The following GH2 variants were observed in gnomAD, a reference collection of about 807,000 sequenced individuals.
GH2 encodes growth hormone 2.
A neutral mutation model predicts 24.1 loss-of-function variants in GH2; 17 were observed. The ratio of observed to expected loss-of-function variants is 0.71; its 90% confidence interval spans 0.48 to 1.06. The LOEUF (loss-of-function observed/expected upper bound fraction) is 1.06. Ranked by LOEUF, GH2 falls within the 50% of genes least tolerant of loss-of-function variation. The pLI is 0.00. For missense variants in GH2, 305 were observed against 273.1 expected, an observed-to-expected ratio of 1.12 and a Z score of -0.82; for synonymous variants, 126 against 118.7, an observed-to-expected ratio of 1.06 and a Z score of -0.40.
At position 63,880,845 on chromosome 17, in the gene GH2, A is replaced by G; in HGVS notation, c.383T>C (p.Val128Ala). 1 of 1,614,018 alleles carries G rather than the reference A, an allele frequency of 6.2e-7. No individual in the cohort carries two copies. The highest frequency in any genetic ancestry group is 8.5e-7 in the Non-Finnish European group (1 of 1,179,926). ...GACGTTGCTGTCCGAGGCGCCATAC[A>G]CCAGGCTGTTGGCGAAGACGCTCCT... ...LLRSVFANSL[V>A]YGASDSNVYR... Residue 128 changes from valine to alanine, a missense_variant, in exon 4 of 5, where the codon GTG (valine) becomes GCG (alanine). Val to Ala is a moderately conservative substitution (Grantham distance 64). Coordinates refer to ENST00000423893, the MANE Select transcript of GH2 (RefSeq NM_002059.5).
chr17:63,881,560 A>T, intron 1 of GH2, 41 bp from the exon 2 acceptor site: 1 of 1,612,102 alleles, frequency 6.2e-7, no homozygotes, highest in Non-Finnish European at 8.5e-7. Context: ...GCTGGAGAGC[A>T]AGAGGCCAGC....
rs767815976 is a variant in GH2 at position 63,880,441 on chromosome 17, G to C, written c.534C>G (p.Asn178Lys). The change falls in exon 5 of 5, where the codon AAC becomes AAG. Residue 178 changes from asparagine (N) to lysine (K), a missense_variant. Coordinates refer to ENST00000423893, the MANE Select transcript of GH2 (RefSeq NM_002059.5). ...SYSKFDTKSH[N>K]DDALLKNYGL... ...CGTAGTTCTTGAGCAGTGCGTCATC[G>C]TTGTGCGATTTTGTGTCAAACTTGC... 3.1e-6 allele frequency: 5 copies of C among 1,613,804 alleles called. No individual in the cohort carries two copies. The highest frequency in any genetic ancestry group is 4.2e-6 in the Non-Finnish European group (5 of 1,179,778).
rs745738940 is a variant in GH2 at position 63,881,534 on chromosome 17, G to C, written c.11-15C>G. ...CGTCCGGGAGCCTGGGGAGAAACCG[G>C]AGGGCAACAGAGGGAGCTGGAGAGC... On this transcript the variant is annotated splice_polypyrimidine_tract_variant and intron_variant, in intron 1 of 4. Transcript: ENST00000423893. 3 of 1,613,778 alleles carry C rather than the reference G, an allele frequency of 1.9e-6. No individual in the cohort carries two copies. The highest frequency in any genetic ancestry group is 2.2e-5 in the East Asian group (1 of 44,882).
In GH2 at chr17:63,880,930, C is replaced by T; in HGVS notation, c.298G>A (p.Glu100Lys). Reference protein sequence around the residue: ...RVKTQQKSNLELLRISLLLIQ... With the variant: ...RVKTQQKSNLKLLRISLLLIQ... Reference sequence around the variant, plus strand: ...AGCAGCAGGGAGATGCGGAGCAGCTCTAGGTTCTGCAGGGGAAGGACCGGC... The same window carrying T: ...AGCAGCAGGGAGATGCGGAGCAGCTTTAGGTTCTGCAGGGGAAGGACCGGC... Residue 100 changes from glutamate (E) to lysine (K), a missense_variant, in exon 4 of 5, where the codon GAG becomes AAG. Physicochemically the swap from Glu to Lys is moderately conservative, Grantham distance 56. Coordinates refer to ENST00000423893, the MANE Select transcript of GH2 (RefSeq NM_002059.5). 6.2e-7 allele frequency: 1 copy of T among 1,614,060 alleles called. No individual in the cohort carries two copies. The highest frequency in any genetic ancestry group is 8.5e-7 in the Non-Finnish European group (1 of 1,179,952).
At chr17:63,881,736 A>G (rs538038494) in intron 1 of GH2, 56 bp downstream of exon 1, 18 of 1,611,776 alleles carry the variant, frequency 1.1e-5, no homozygotes, top group Admixed American at 1.7e-5. Context: ...CATCTACAGG[A>G]CGCCGCCTCT....
rs1158573077 is a variant in GH2 at position 63,880,781 on chromosome 17, C to T, written c.447G>A (p.Thr149=). Residue 149 remains threonine (T), a synonymous_variant, in exon 4 of 5, where the codon ACG becomes ACA. Transcript: ENST00000423893. ...CTGGTGCCACCCTCACCCACATCAG[C>T]GTTTGGATGCCTTCCTCTAGGTCCT... ...HLKDLEEGIQ[T]LMWRLEDGSP... The T allele has an allele frequency of 6.2e-7, 1 of 1,614,098 alleles. No individual in the cohort carries two copies. Among genetic ancestry groups the T allele is most frequent in the East Asian group, 2.2e-5 (1 of 44,882 alleles).
At chr17:63,880,657 G>T in intron 4 of GH2, 115 bp downstream of exon 4, 1 of 1,614,098 alleles carries the variant, frequency 6.2e-7, no homozygotes. Flanking sequence ...GAAGAATACG[G>T]TGAGTTCTCT....
Position 63,881,393 on chromosome 17 carries a change from A to T in GH2, c.137T>A (p.Leu46Gln), listed in dbSNP as rs778222708. ...ATAGGTGTCATATGCCAGCTGGTAC[A>T]GGCGACGGGCGCGGAGCATAGCGTT... Reference protein sequence around the residue: ...FDNAMLRARRLYQLAYDTYQE... With the variant: ...FDNAMLRARRQYQLAYDTYQE... Residue 46 changes from leucine (L) to glutamine (Q), a missense_variant, in exon 2 of 5, where the codon CTG becomes CAG. By Grantham distance (113) the Leu-to-Gln change is moderately radical. Coordinates refer to ENST00000423893, the MANE Select transcript of GH2 (RefSeq NM_002059.5). 5 of 1,614,064 alleles carry T rather than the reference A, an allele frequency of 3.1e-6. No individual in the cohort carries two copies. The highest frequency in any genetic ancestry group is 4.2e-6 in the Non-Finnish European group (5 of 1,179,958).
chr17:63,880,831 C>T lies in GH2; in HGVS notation c.397G>A (p.Asp133Asn). The change falls in exon 4 of 5, where the codon GAC (aspartate) becomes AAC (asparagine). Residue 133 changes from aspartate (D) to asparagine (N), a missense_variant. Physicochemically the swap from Asp to Asn is conservative, Grantham distance 23. Transcript: ENST00000423893. ...TTCAGGTGGCGATAGACGTTGCTGT[C>T]CGAGGCGCCATACACCAGGCTGTTG... Reference protein sequence around the residue: ...FANSLVYGASDSNVYRHLKDL... With the variant: ...FANSLVYGASNSNVYRHLKDL... The T allele has an allele frequency of 6.2e-7, 1 of 1,614,074 alleles. No individual in the cohort carries two copies. The highest frequency in any genetic ancestry group is 8.5e-7 in the Non-Finnish European group (1 of 1,179,930).
chr17:63,880,458 C>G lies in GH2; in HGVS notation c.517G>C (p.Asp173His). The G allele has an allele frequency of 6.2e-7, 1 of 1,613,820 alleles. No homozygotes were observed. The highest frequency in any genetic ancestry group is 8.5e-7 in the Non-Finnish European group (1 of 1,179,776). Residue 173 changes from aspartate (D) to histidine (H), a missense_variant, in exon 5 of 5, where the codon GAC becomes CAC. By Grantham distance (81) the Asp-to-His change is moderately conservative (BLOSUM62 -1). Coordinates refer to ENST00000423893, the MANE Select transcript of GH2 (RefSeq NM_002059.5). Reference sequence around the variant, plus strand: ...GCGTCATCGTTGTGCGATTTTGTGTCAAACTTGCTGTAGGACTGATTGAAG... The same window carrying G: ...GCGTCATCGTTGTGCGATTTTGTGTGAAACTTGCTGTAGGACTGATTGAAG... ...QIFNQSYSKF[D>H]TKSHNDDALL...
Position 63,881,532 on chromosome 17 carries a change from C to CGGAGGGCAACAGAGGGAGCT in GH2, c.11-33_11-14dup. On this transcript the variant is annotated splice_polypyrimidine_tract_variant and intron_variant, in intron 1 of 4. Transcript: ENST00000423893. ...GACGTCCGGGAGCCTGGGGAGAAAC[C>CGGAGGGCAACAGAGGGAGCT]GGAGGGCAACAGAGGGAGCTGGAGA... 1 of 1,613,622 alleles carries CGGAGGGCAACAGAGGGAGCT rather than the reference C, an allele frequency of 6.2e-7. No individual in the cohort carries two copies. Among genetic ancestry groups the CGGAGGGCAACAGAGGGAGCT allele is most frequent in the Non-Finnish European group, 8.5e-7 (1 of 1,179,840 alleles).
Position 63,881,568 on chromosome 17 carries a change from A to G in GH2, c.11-49T>C, listed in dbSNP as rs1360867369. ...AGAGGGAGCTGGAGAGCAAGAGGCC[A>G]GCGCTCTCCCTGTTCCAGGAGCTGG... On this transcript the variant is annotated intron_variant, in intron 1 of 4. Coordinates refer to ENST00000423893, the MANE Select transcript of GH2 (RefSeq NM_002059.5). 4 of 1,609,850 alleles carry G rather than the reference A, an allele frequency of 2.5e-6. No individual in the cohort carries two copies. The African/African-American group carries it at 5.5e-5, about 22-fold the overall frequency.
rs199921493 is a variant in GH2 at position 63,880,832 on chromosome 17, C to G, written c.396G>C (p.Ser132=). The G allele has an allele frequency of 4.3e-6, 7 of 1,614,016 alleles. No individual in the cohort carries two copies. The highest frequency in any genetic ancestry group is 5.9e-6 in the Non-Finnish European group (7 of 1,179,928). Residue 132 remains serine, a synonymous_variant, in exon 4 of 5, where the codon TCG becomes TCC. Coordinates refer to ENST00000423893, the MANE Select transcript of GH2 (RefSeq NM_002059.5). ...VFANSLVYGA[S]DSNVYRHLKD... ...TCAGGTGGCGATAGACGTTGCTGTC[C>G]GAGGCGCCATACACCAGGCTGTTGG...
chr17:63,880,444 G>A lies in GH2; in HGVS notation c.531C>T (p.His177=), dbSNP rs376210717. The A allele has an allele frequency of 1.9e-6, 3 of 1,613,716 alleles. No homozygotes were observed. Among genetic ancestry groups the A allele is most frequent in the Non-Finnish European group, 1.7e-6 (2 of 1,179,796 alleles). Residue 177 remains histidine (H), a synonymous_variant, in exon 5 of 5, where the codon CAC becomes CAT. Transcript: ENST00000423893. ...QSYSKFDTKS[H]NDDALLKNYG... ...AGTTCTTGAGCAGTGCGTCATCGTT[G>A]TGCGATTTTGTGTCAAACTTGCTGT...
In GH2 at chr17:63,881,459, C is replaced by G. The variant is rs933225272; in HGVS notation, c.71G>C (p.Gly24Ala). 7.4e-6 allele frequency: 12 copies of G among 1,613,860 alleles called. No homozygotes were observed. The highest frequency in any genetic ancestry group is 1.0e-5 in the Non-Finnish European group (12 of 1,179,934). Residue 24 changes from glycine (G) to alanine (A), a missense_variant, in exon 2 of 5, where the codon GGC becomes GCC. Physicochemically the swap from Gly to Ala is moderately conservative, Grantham distance 60 (BLOSUM62 0). Transcript: ENST00000423893. Reference protein sequence around the residue: ...GLLCLSWLQEGSAFPTIPLSR... With the variant: ...GLLCLSWLQEASAFPTIPLSR... The stretch of plus-strand genomic sequence containing the variant: ...TAAGGGAATGGTTGGGAAGGCACTG[C>G]CCTCTTGAAGCCAGGACAGGCAGAG...
chr17:63,881,635 C>A, intron 1 of GH2, 116 bp from the exon 2 acceptor site: 1 of 1,604,744 alleles, frequency 6.2e-7, no homozygotes, highest in Non-Finnish European at 8.5e-7. Flanking sequence ...CCTCCAGGGA[C>A]CAGGAACATT....
chr17:63,881,548 G>A (rs1401764236), intron 1 of GH2, 29 bp from the exon 2 acceptor site: 2 of 1,613,352 alleles, frequency 1.2e-6, no homozygotes, highest in Non-Finnish European at 1.7e-6. Flanking sequence ...GCAACAGAGG[G>A]AGCTGGAGAG....
Position 63,880,247 on chromosome 17 carries a change from G to T in GH2, c.*74C>A. The T allele has an allele frequency of 7.5e-6, 12 of 1,610,676 alleles. No homozygotes were observed. The highest frequency in any genetic ancestry group is 1.0e-5 in the Non-Finnish European group (12 of 1,177,402). ...ACTTAATTTTATTAGGACAAGGCTG[G>T]TGGGCACTGGAGTAGCACCTTCCAC... On this transcript the variant is annotated 3_prime_UTR_variant, in exon 5 of 5. Coordinates refer to ENST00000423893, the MANE Select transcript of GH2 (RefSeq NM_002059.5).
In GH2 at chr17:63,881,929, G is replaced by C. The variant is rs1243656635; in HGVS notation, c.-128C>G. On this transcript the variant is annotated 5_prime_UTR_variant, in exon 1 of 5. Coordinates refer to ENST00000423893, the MANE Select transcript of GH2 (RefSeq NM_002059.5). ...TCTCTCTCGCTGCTTCTCCTCACCT[G>C]TTTCTCTGCATGTTTAGGCCTGGGG... 1.9e-6 allele frequency: 3 copies of C among 1,596,466 alleles called. No homozygotes were observed. Among genetic ancestry groups the C allele is most frequent in the South Asian group, 1.1e-5 (1 of 89,430 alleles).
Sources: allele counts gnomAD v4.1 joint callset, GRCh38; gene constraint gnomAD v4.1.1; transcripts MANE v1.5; gene names NCBI Gene and HGNC (gene_info 2026-07-23, HGNC 2026-07-21).